PSMF1: variants seen among roughly 807,000 people sequenced by gnomAD.
PSMF1 encodes the protein proteasome inhibitor PI31 subunit.
In PSMF1, 30 loss-of-function variants were observed where a neutral mutation model predicts 29.3. That is an observed-to-expected ratio of 1.02 (90% confidence interval 0.77 to 1.39). The LOEUF (loss-of-function observed/expected upper bound fraction) is 1.39. Among genes scored for constraint, PSMF1 ranks in the 40% most tolerant of loss-of-function variants. The pLI is 0.00. For synonymous variants in PSMF1, 134 were observed against 139.7 expected (o/e 0.96, Z 0.29); for missense variants, 344 against 357.5 (o/e 0.96, Z 0.31).
chr20:1,145,608 G>A (rs1216037713), intron 4 of PSMF1, among the ~76,000 whole-genome samples: 2 of 152,192 alleles, frequency 1.3e-5, no homozygotes, highest in African/African-American at 4.8e-5. Context: ...CTGAGACCAG[G>A]TCAAGCTTCC....
At chr20:1,156,561 A>G (rs2086597115) in intron 4 of PSMF1, among the ~76,000 whole-genome samples, 1 of 152,236 alleles carries the variant, frequency 6.6e-6, no homozygotes, top group Admixed American at 6.5e-5. Flanking sequence ...AATGGTTACG[A>G]ATTTCTCATC....
rs117295028 is a variant in PSMF1, at chr20:1,169,099, A to G, written c.*4019A>G. Among the ~76,000 whole-genome samples the G allele has an allele frequency of 6.6e-6, 1 of 152,226 alleles. No individual in the cohort carries two copies. Among genetic ancestry groups the G allele is most frequent in the East Asian group, 1.9e-4 (1 of 5,174 alleles). The stretch of plus-strand genomic sequence containing the variant: ...GTGATCCTGCTGCTCTCTGGACCGT[A>G]ACCTTTTTGGTTACAAAAGGTAAAT... On this transcript the variant is annotated 3_prime_UTR_variant, in exon 7 of 7. Transcript: ENST00000335877.
chr20:1,143,453 A>C (rs1023439604), intron 4 of PSMF1, among the ~76,000 whole-genome samples: 1 of 152,188 alleles, frequency 6.6e-6, no homozygotes, highest in African/African-American at 2.4e-5. Context: ...ATGACCCTTG[A>C]CCTTAACCTT....
At chr20:1,140,894 A>C (rs1448592149) in intron 4 of PSMF1, among the ~76,000 whole-genome samples, 1 of 152,258 alleles carries the variant, frequency 6.6e-6, no homozygotes, top group Non-Finnish European at 1.5e-5. Flanking sequence ...AATCCAAACC[A>C]AGAAATAGTA....
chr20:1,145,215 A>G (rs2086434749), intron 4 of PSMF1, among the ~76,000 whole-genome samples: 1 of 152,146 alleles, frequency 6.6e-6, no homozygotes, highest in East Asian at 1.9e-4. Flanking sequence ...TTTAACAATA[A>G]AAGGGTTTTT....
At chr20:1,161,571 A>G in intron 4 of PSMF1, 1 of 619,308 alleles carries the variant, frequency 1.6e-6, no homozygotes, top group South Asian at 1.8e-5. Flanking sequence ...GTGCTCCCAG[A>G]GCGCAAGTAC....
chr20:1,125,460 G>A, intron 1 of PSMF1, 38 bp from the exon 2 acceptor site: 1 of 1,561,772 alleles, frequency 6.4e-7, no homozygotes, highest in Non-Finnish European at 8.6e-7. Flanking sequence ...TGTGTTTTGA[G>A]TTCATGATCT....
At chr20:1,133,060 A>G (rs1033239996) in intron 3 of PSMF1, among the ~76,000 whole-genome samples, 1 of 147,616 alleles carries the variant, frequency 6.8e-6, no homozygotes, top group African/African-American at 2.5e-5. Flanking sequence ...CTTACTTGCT[A>G]ATATGAATGC....
At position 1,164,485 on chromosome 20, in the gene PSMF1, T is replaced by A; in HGVS notation, c.764+9T>A. 6.2e-7 allele frequency: 1 copy of A among 1,613,974 alleles called. No homozygotes were observed. Among genetic ancestry groups the A allele is most frequent in the Non-Finnish European group, 8.5e-7 (1 of 1,179,874 alleles). The stretch of plus-strand genomic sequence containing the variant: ...GGGACCAGCCCACCCGGGTACGTAG[T>A]CACTCAGGTATGCTGAGAAGTAGGA... On this transcript the variant is annotated intron_variant, in intron 6 of 6. Transcript: ENST00000335877. The surrounding 1 kb of genome is among the most constrained non-coding windows in gnomAD (Gnocchi z 4.1).
chr20:1,129,142 G>A (rs1250393958), intron 3 of PSMF1, among the ~76,000 whole-genome samples: 1 of 151,708 alleles, frequency 6.6e-6, no homozygotes, highest in African/African-American at 2.4e-5. Flanking sequence ...GCCTCCCAAA[G>A]TGCTGGGATT....
Position 1,168,702 on chromosome 20 carries a change from T to C in PSMF1, c.*3622T>C, listed in dbSNP as rs544052076. The stretch of plus-strand genomic sequence containing the variant: ...GCCTCACTCTTTGGAACCTAGTTTC[T>C]CCTATGGCCTCCCTTTCTACTGTTG... On this transcript the variant is annotated 3_prime_UTR_variant, in exon 7 of 7. Coordinates refer to ENST00000335877, the MANE Select transcript of PSMF1 (RefSeq NM_006814.5). 5.9e-5 allele frequency among the ~76,000 whole-genome samples: 9 copies of C among 152,310 alleles called. No homozygotes were observed. The South Asian group carries it at 1.9e-3, about 32-fold the overall frequency.
intron 1 of PSMF1, among the ~76,000 whole-genome samples, chr20:1,119,155 G>GGCAGCCT (rs1311009125): frequency 6.6e-6 from 1 of 152,186 alleles, no homozygotes; most frequent in Non-Finnish European, 1.5e-5. Flanking sequence ...AACACAGCCT[G>GGCAGCCT]GCAGCCTCTC....
chr20:1,160,414 T>C (rs973490108), intron 4 of PSMF1, among the ~76,000 whole-genome samples: 1 of 152,170 alleles, frequency 6.6e-6, no homozygotes, highest in Non-Finnish European at 1.5e-5. Context: ...CCTTGATTAA[T>C]GTCTTTGTGA....
In PSMF1 at chr20:1,165,248, GCTGCAGCTCTC is replaced by G. The variant is rs2086714846; in HGVS notation, c.*170_*180del. On this transcript the variant is annotated 3_prime_UTR_variant, in exon 7 of 7. Transcript: ENST00000335877. ...ACCCCTTATCAGAGCCAAGACACCT[GCTGCAGCTCTC>G]CACCTAGCTGCAGATAGCTCCCAAA... 1.4e-6 allele frequency: 2 copies of G among 1,430,372 alleles called. No homozygotes were observed. Among genetic ancestry groups the G allele is most frequent in the Non-Finnish European group, 1.8e-6 (2 of 1,093,982 alleles). 88.6% of individuals were successfully genotyped at this position (1,430,372 alleles called of 1,614,324 possible).
At chr20:1,123,607 A>G (rs1234825458) in intron 1 of PSMF1, among the ~76,000 whole-genome samples, 1 of 152,226 alleles carries the variant, frequency 6.6e-6, no homozygotes, top group Non-Finnish European at 1.5e-5. Context: ...GTATTCCACT[A>G]TAAGCATATT....
At position 1,125,511 on chromosome 20, in the gene PSMF1, A is replaced by G. The variant is rs768474830; in HGVS notation, c.143A>G (p.Asp48Gly). The G allele has an allele frequency of 6.2e-7, 1 of 1,609,594 alleles. No individual in the cohort carries two copies. The highest frequency in any genetic ancestry group is 8.5e-7 in the Non-Finnish European group (1 of 1,177,968). The change falls in exon 2 of 7, where the codon GAT (aspartate) becomes GGT (glycine). Residue 48 changes from aspartate to glycine, a missense_variant. Transcript: ENST00000335877. Reference sequence around the variant, plus strand: ...TGGTCTTCCCAGCCGGGTCCCAATGATAAGAAGTCAGAACTGCTGCCAGCT... The same window carrying G: ...TGGTCTTCCCAGCCGGGTCCCAATGGTAAGAAGTCAGAACTGCTGCCAGCT... ...LGVGDQPGPNDKKSELLPAGW... is the reference protein window; with the variant it reads ...LGVGDQPGPNGKKSELLPAGW...
chr20:1,117,254 A>G (rs567180164), upstream of PSMF1, among the ~76,000 whole-genome samples: 4 of 152,010 alleles, frequency 2.6e-5, no homozygotes, highest in East Asian at 7.8e-4. Context: ...CCACATGCAG[A>G]TTCCTGCAGA....
chr20:1,127,334 C>T (rs2086171289), intron 2 of PSMF1, 92 bp from the exon 3 acceptor site: 1 of 951,110 alleles, frequency 1.1e-6, no homozygotes, highest in African/African-American at 1.6e-5. Flanking sequence ...GTGAATATTT[C>T]TTTAGGTTGA....
upstream of PSMF1, chr20:1,118,561 G>A (rs988517445): frequency 4.0e-6 from 2 of 504,066 alleles, no homozygotes; most frequent in Non-Finnish European, 6.8e-6. Flanking sequence ...TGCCAACCCG[G>A]CGCGCCTCAC....
Sources: gnomAD v4.1 joint callset for allele counts (sites outside exome capture counted in the v4.1 genomes callset) on GRCh38, gnomAD v4.1.1 for gene constraint, Gnocchi (gnomAD v3.1) non-coding constraint, MANE v1.5 for transcripts, NCBI Gene and HGNC (gene_info 2026-07-23, HGNC 2026-07-21) for gene names.